Variants in UHRF2 observed in about 807,000 individuals in gnomAD.
UHRF2 encodes ubiquitin like with PHD and ring finger domains 2, also known as E3 ubiquitin-protein ligase UHRF2.
In UHRF2, 23 loss-of-function variants were observed where a neutral mutation model predicts 96.8. The ratio of observed to expected loss-of-function variants is 0.24; its 90% CI spans 0.17 to 0.34. The LOEUF (loss-of-function observed/expected upper bound fraction) is 0.34. Ranked by LOEUF, UHRF2 falls within the 10% of genes least tolerant of loss-of-function variation. The probability of loss-of-function intolerance (pLI) is 1.00; values close to 1 mark genes in which losing one functional copy is unlikely to be tolerated. For missense variants in UHRF2, 685 were observed against 981.5 expected (o/e 0.70, Z 4.04); for synonymous variants, 385 against 332.6 (o/e 1.16, Z -1.72).
At chr9:6,466,232 C>G (rs1822848704) in intron 4 of UHRF2, among the ~76,000 whole-genome samples, 1 of 152,100 alleles carries the variant, frequency 6.6e-6, no homozygotes, top group South Asian at 2.1e-4. Context: ...GAAACCTCAT[C>G]TCTACTAAAA....
intron 6 of UHRF2, among the ~76,000 whole-genome samples, chr9:6,480,988 G>C (rs1823890049): frequency 6.6e-6 from 1 of 152,162 alleles, no homozygotes; most frequent in Admixed American, 6.5e-5. Flanking sequence ...CTTTGTTAGA[G>C]TATTCCCAGA....
chr9:6,423,594 A>G (rs896450779), intron 2 of UHRF2, among the ~76,000 whole-genome samples: 5 of 152,058 alleles, frequency 3.3e-5, no homozygotes, highest in African/African-American at 1.2e-4. Context: ...ATTAATTTAA[A>G]ATGTTTTCTG....
intron 9 of UHRF2, among the ~76,000 whole-genome samples, chr9:6,490,861 T>G (rs13285125): frequency 0.057 from 8,639 of 152,284 alleles, 370 homozygotes; most frequent in African/African-American, 0.12. Flanking sequence ...ATATATTTTA[T>G]AAGCATTTTC....
intron 8 of UHRF2, chr9:6,484,785 CTTTTTTTTTTTTTTTTT>C (rs34815980): frequency 3.0e-5 from 2 of 66,280 alleles, no homozygotes; most frequent in Non-Finnish European, 5.5e-5. Flanking sequence ...TCACTTCTTT[CTTTTTTTTTTTTTTTTT>C]TTTTTTTTGA....
intron 2 of UHRF2, among the ~76,000 whole-genome samples, chr9:6,431,027 A>G (rs1014660106): frequency 6.6e-6 from 1 of 152,198 alleles, no homozygotes; most frequent in Non-Finnish European, 1.5e-5. Context: ...CTTAATTTGT[A>G]CTAGATTACT....
At chr9:6,454,660 G>C (rs960066081) in intron 3 of UHRF2, among the ~76,000 whole-genome samples, 9 of 152,114 alleles carry the variant, frequency 5.9e-5, no homozygotes, top group African/African-American at 2.2e-4. Flanking sequence ...CATAGTCCTT[G>C]TTTGATTTGG....
chr9:6,493,779 T>C lies in UHRF2; in HGVS notation c.1498-47T>C, dbSNP rs1309201833. The C allele has an allele frequency of 2.7e-6, 4 of 1,487,020 alleles. No individual in the cohort carries two copies. In the East Asian group the frequency reaches 9.2e-5, roughly 34 times the overall value. The allele number at this position is 1,487,020 out of a possible 1,614,324, so 92.1% of individuals were successfully genotyped here. On this transcript the variant is annotated intron_variant, in intron 9 of 15. Transcript: ENST00000276893. The stretch of plus-strand genomic sequence containing the variant: ...GACTCTGAAATAAGAATTGATGAAA[T>C]TATACTTGGGTTTAGCTTTCTTAAT...
chr9:6,421,655 G>T (rs979893057), intron 2 of UHRF2, among the ~76,000 whole-genome samples: 2 of 152,024 alleles, frequency 1.3e-5, no homozygotes, highest in Admixed American at 6.5e-5. Flanking sequence ...GACCTCAGGT[G>T]GTCCGCCCAC....
Position 6,477,812 on chromosome 9 carries a change from T to G in UHRF2, c.1160+4T>G. ...AAGTCCCAGAAGAGGAATACTGGTA[T>G]GATTATCAGGTTTTTGTTGTTGTTG... On this transcript the variant is annotated splice_donor_region_variant and intron_variant, in intron 6 of 15. Coordinates refer to ENST00000276893, the MANE Select transcript of UHRF2 (RefSeq NM_152896.3). 2 of 1,587,950 alleles carry G rather than the reference T, an allele frequency of 1.3e-6. No homozygotes were observed. Among genetic ancestry groups the G allele is most frequent in the South Asian group, 2.3e-5 (2 of 88,106 alleles).
chr9:6,435,194 A>G lies in UHRF2; in HGVS notation c.644+1021A>G, dbSNP rs972846254. 3.9e-5 allele frequency among the ~76,000 whole-genome samples: 6 copies of G among 152,034 alleles called. No homozygotes were observed. The South Asian group carries it at 8.3e-4, about 21-fold the overall frequency. The stretch of plus-strand genomic sequence containing the variant: ...TTTTTACTAGATATGGGGTTTCACC[A>G]TGTTGGCCAGGCTGGTCGCAAACTC... On this transcript the variant is annotated intron_variant, in intron 3 of 15. Transcript: ENST00000276893.
intron 3 of UHRF2, among the ~76,000 whole-genome samples, chr9:6,446,327 G>C (rs994340254): frequency 2.0e-5 from 3 of 151,894 alleles, no homozygotes; most frequent in African/African-American, 7.3e-5. Flanking sequence ...ATTTTTAGTA[G>C]AGACAGGGTT....
At chr9:6,476,272 A>G (rs983667723) in intron 5 of UHRF2, among the ~76,000 whole-genome samples, 2 of 152,078 alleles carry the variant, frequency 1.3e-5, no homozygotes, top group African/African-American at 4.8e-5. Flanking sequence ...TTGTCTTTTT[A>G]TCTGTTGATG....
At chr9:6,439,895 CA>C (rs1821062709) in intron 3 of UHRF2, among the ~76,000 whole-genome samples, 1 of 151,858 alleles carries the variant, frequency 6.6e-6, no homozygotes, top group Non-Finnish European at 1.5e-5. Flanking sequence ...AGGACTTAAG[CA>C]AAATGTTAAG....
intron 4 of UHRF2, among the ~76,000 whole-genome samples, chr9:6,463,469 G>GA (rs1238767170): frequency 6.6e-6 from 1 of 151,194 alleles, no homozygotes; most frequent in Non-Finnish European, 1.5e-5. Flanking sequence ...CTTATGGATA[G>GA]AATTTTTTTT....
intron 3 of UHRF2, among the ~76,000 whole-genome samples, chr9:6,440,681 A>T (rs1405826125): frequency 6.6e-6 from 1 of 152,206 alleles, no homozygotes; most frequent in Admixed American, 6.5e-5. Context: ...ATCTGTACTC[A>T]TCATTTGGCT....
Position 6,463,471 on chromosome 9 carries a change from AT to A in UHRF2, c.863+2695del, listed in dbSNP as rs774722072. On this transcript the variant is annotated intron_variant, in intron 4 of 15. Transcript: ENST00000276893. ...GGAACCAGTGTGGCTTATGGATAGA[AT>A]TTTTTTTTTTTTTTGGGAGATGGGG... is the stretch of plus-strand genomic sequence containing the variant. Among the ~76,000 whole-genome samples the A allele has an allele frequency of 5.4e-3, 778 of 144,574 alleles. 2 individuals are homozygous for A. The highest frequency in any genetic ancestry group is 7.2e-3 in the African/African-American group (287 of 39,658). 94.8% of individuals were successfully genotyped at this position (144,574 alleles called of 152,430 possible).
rs1305517071 is a variant in UHRF2 at position 6,473,026 on chromosome 9, G to C, written c.864-2365G>C. Among the ~76,000 whole-genome samples, 3 of 152,190 alleles carry C rather than the reference G, an allele frequency of 2.0e-5. No homozygotes were observed. The East Asian group carries it at 5.8e-4, about 29-fold the overall frequency. On this transcript the variant is annotated intron_variant, in intron 4 of 15. Transcript: ENST00000276893. ...TAGGGTACAAACAGTAATCAACCTA[G>C]TTGCAGTAAGCTTTCCTAGTACCTA...
intron 4 of UHRF2, among the ~76,000 whole-genome samples, chr9:6,462,893 G>T (rs1822635066): frequency 6.6e-6 from 1 of 152,144 alleles, no homozygotes; most frequent in Admixed American, 6.5e-5. Context: ...CTCCAGCCTG[G>T]GCTACAGAGC....
chr9:6,463,613 G>A (rs1397254790), intron 4 of UHRF2, among the ~76,000 whole-genome samples: 1 of 151,908 alleles, frequency 6.6e-6, no homozygotes, highest in African/African-American at 2.4e-5. Flanking sequence ...TGGAACTACA[G>A]GCGCATGCCA....
Sources: allele counts gnomAD v4.1 joint callset (sites outside exome capture counted in the v4.1 genomes callset), GRCh38; gene constraint gnomAD v4.1.1; transcripts MANE v1.5; gene names NCBI Gene and HGNC (gene_info 2026-07-23, HGNC 2026-07-21).